FPR1: variants seen among roughly 807,000 people sequenced by gnomAD.
FPR1 encodes N-formyl peptide receptor 1.
For missense variants in FPR1, 407 were observed against 453.0 expected (o/e 0.90, Z 0.92); for synonymous variants, 193 against 176.7 (o/e 1.09, Z -0.73).
chr19:51,748,586 G>A (rs940827272), intron 1 of FPR1, among the ~76,000 whole-genome samples: 1 of 152,182 alleles, frequency 6.6e-6, no homozygotes, highest in African/African-American at 2.4e-5. Flanking sequence ...TCAGCCTCCT[G>A]AGTAGCTGGA....
chr19:51,751,723 A>G (rs1289962659), intron 1 of FPR1, 91 bp downstream of exon 1: 2 of 152,116 alleles, frequency 1.3e-5, no homozygotes, highest in Non-Finnish European at 2.9e-5. Flanking sequence ...TCAACTCCAC[A>G]TCCTTCTTCA....
rs775451540 is a variant in FPR1 at position 51,746,588 on chromosome 19, T to A, written c.407A>T (p.His136Leu). ...CVLHPVWTQN[H>L]RTVSLAKKVI... Reference sequence around the variant, plus strand: ...CTTCTTGGCCAGGCTCACGGTGCGGTGGTTCTGGGTCCAGACTGGATGCAG... The same window carrying A: ...CTTCTTGGCCAGGCTCACGGTGCGGAGGTTCTGGGTCCAGACTGGATGCAG... Residue 136 changes from histidine (H) to leucine (L), a missense_variant, in exon 2 of 2, where the codon CAC becomes CTC. Coordinates refer to ENST00000304748, the MANE Select transcript of FPR1 (RefSeq NM_002029.4). This position sits in a 1 kb window ranked among gnomAD's most constrained non-coding sequence, Gnocchi z 4.3. 6.2e-7 allele frequency: 1 copy of A among 1,614,124 alleles called. No homozygotes were observed.
rs1048756669 is a variant in FPR1 at position 51,745,959 on chromosome 19, C to T, written c.1036G>A (p.Glu346Lys). 1 of 1,610,586 alleles carries T rather than the reference C, an allele frequency of 6.2e-7. No individual in the cohort carries two copies. Among genetic ancestry groups the T allele is most frequent in the Non-Finnish European group, 8.5e-7 (1 of 1,176,986 alleles). Reference sequence around the variant, plus strand: ...CTCCCTCCTCACTTTGCCTGTAACTCCACCTCTGCAGAAGGTAAAGTAGAA... The same window carrying T: ...CTCCCTCCTCACTTTGCCTGTAACTTCACCTCTGCAGAAGGTAAAGTAGAA... ...TNSTLPSAEV[E>K]LQAK is the part of the protein sequence containing the mutation. The change falls in exon 2 of 2, where the codon GAG (glutamate) becomes AAG (lysine). Residue 346 changes from glutamate (E) to lysine (K), a missense_variant. Transcript: ENST00000304748.
intron 1 of FPR1, among the ~76,000 whole-genome samples, chr19:51,749,210 GT>G (rs1311165486): frequency 2.7e-4 from 27 of 99,576 alleles, no homozygotes; most frequent in Non-Finnish European, 5.1e-4. Context: ...GCGAGACTCC[GT>G]TTCAAAAAAA....
chr19:51,746,439 C>T lies in FPR1; in HGVS notation c.556G>A (p.Asp186Asn), dbSNP rs571987775. 30 of 1,614,118 alleles carry T rather than the reference C, an allele frequency of 1.9e-5. No homozygotes were observed. In the South Asian group the frequency reaches 2.2e-4, roughly 12 times the overall value. Reference protein sequence around the residue: ...CTFNFSPWTNDPKERINVAVA... With the variant: ...CTFNFSPWTNNPKERINVAVA... Reference sequence around the variant, plus strand: ...GCCACATTTATCCTCTCTTTAGGGTCGTTGGTCCAGGGCGAAAAGTTAAAA... The same window carrying T: ...GCCACATTTATCCTCTCTTTAGGGTTGTTGGTCCAGGGCGAAAAGTTAAAA... Residue 186 changes from aspartate (D) to asparagine (N), a missense_variant, in exon 2 of 2, where the codon GAC (aspartate) becomes AAC (asparagine). By Grantham distance (23) the Asp-to-Asn change is conservative. Coordinates refer to ENST00000304748, the MANE Select transcript of FPR1 (RefSeq NM_002029.4). The surrounding 1 kb of genome is among the most constrained non-coding windows in gnomAD (Gnocchi z 4.3).
rs768152901 is a variant in FPR1, at chr19:51,746,020, G to C, written c.975C>G (p.Thr325=). 6.2e-7 allele frequency: 1 copy of C among 1,613,998 alleles called. No homozygotes were observed. The highest frequency in any genetic ancestry group is 1.3e-5 in the African/African-American group (1 of 74,900). Residue 325 remains threonine (T), a synonymous_variant, in exon 2 of 2, where the codon ACC becomes ACG. Coordinates refer to ENST00000304748, the MANE Select transcript of FPR1 (RefSeq NM_002029.4). The surrounding 1 kb of genome is among the most constrained non-coding windows in gnomAD (Gnocchi z 4.3). ...ALPASLERAL[T]EDSTQTSDTA... is the part of the protein sequence containing the mutation. ...TGTCACTGGTTTGGGTTGAGTCCTC[G>C]GTCAGGGCCCTCTCCAGACTGGCGG...
Position 51,745,859 on chromosome 19 carries a change from G to T in FPR1, c.*83C>A. On this transcript the variant is annotated 3_prime_UTR_variant, in exon 2 of 2. Coordinates refer to ENST00000304748, the MANE Select transcript of FPR1 (RefSeq NM_002029.4). Reference sequence around the variant, plus strand: ...TGATGAGTGGGTAATCCTAAAATAAGCAGGAAATGCCTGTGGCTCAGCCTA... The same window carrying T: ...TGATGAGTGGGTAATCCTAAAATAATCAGGAAATGCCTGTGGCTCAGCCTA... The T allele has an allele frequency of 2.7e-6, 3 of 1,108,882 alleles. No individual in the cohort carries two copies. Among genetic ancestry groups the T allele is most frequent in the Non-Finnish European group, 3.9e-6 (3 of 763,456 alleles). The allele number at this position is 1,108,882 out of a possible 1,614,324, so 68.7% of individuals were successfully genotyped here. A position where few individuals can be genotyped will look rare whatever the true frequency, so the allele number is the denominator to read the frequency against.
Position 51,746,746 on chromosome 19 carries a change from G to GA in FPR1, c.248dup (p.Arg84GlnfsTer87), listed in dbSNP as rs1289922326. Reference sequence around the variant, plus strand: ...GCCAATGTCCTCCCATGGCCTTCCTGACCATGAAGAATGGCAAAGTGGAGG... The same window carrying GA: ...GCCAATGTCCTCCCATGGCCTTCCTGAACCATGAAGAATGGCAAAGTGGAGG... On this transcript the variant is annotated frameshift_variant, in exon 2 of 2. Transcript: ENST00000304748. LOFTEE classifies it low-confidence loss of function (END_TRUNC). This position sits in a 1 kb window ranked among gnomAD's most constrained non-coding sequence, Gnocchi z 4.3. 2 of 1,614,152 alleles carry GA rather than the reference G, an allele frequency of 1.2e-6. No individual in the cohort carries two copies. The highest frequency in any genetic ancestry group is 2.7e-5 in the African/African-American group (2 of 75,012).
chr19:51,746,041 G>C lies in FPR1; in HGVS notation c.954C>G (p.Ala318=), dbSNP rs766700447. Residue 318 remains alanine (A), a synonymous_variant, in exon 2 of 2, where the codon GCC becomes GCG. Transcript: ENST00000304748. The surrounding 1 kb of genome is among the most constrained non-coding windows in gnomAD (Gnocchi z 4.3). ...FRERLIHALP[A]SLERALTEDS... Reference sequence around the variant, plus strand: ...CCTCGGTCAGGGCCCTCTCCAGACTGGCGGGAAGGGCGTGGATCAGCCTCT... The same window carrying C: ...CCTCGGTCAGGGCCCTCTCCAGACTCGCGGGAAGGGCGTGGATCAGCCTCT... The C allele has an allele frequency of 5.7e-5, 92 of 1,614,036 alleles. No individual in the cohort carries two copies. Among genetic ancestry groups the C allele is most frequent in the Non-Finnish European group, 7.3e-5 (86 of 1,180,020 alleles).
In FPR1 at chr19:51,746,419, A is replaced by G. The variant is rs1042229; in HGVS notation, c.576T>C (p.Asn192=). 0.13 allele frequency: 207,512 copies of G among 1,613,884 alleles called. 14,053 individuals are homozygous for G. The highest frequency in any genetic ancestry group is 0.18 in the South Asian group (16,254 of 91,074). The change falls in exon 2 of 2, where the codon AAT becomes AAC. Residue 192 remains asparagine (N), a synonymous_variant. Coordinates refer to ENST00000304748, the MANE Select transcript of FPR1 (RefSeq NM_002029.4). The surrounding 1 kb of genome is among the most constrained non-coding windows in gnomAD (Gnocchi z 4.3). The part of the protein sequence containing the change: ...PWTNDPKERI[N]VAVAMLTVRG... ...TCACCGTCAACATGGCAACGGCCAC[A>G]TTTATCCTCTCTTTAGGGTCGTTGG...
At chr19:51,747,199 T>A (rs1244285857) in intron 1 of FPR1, among the ~76,000 whole-genome samples, 194 bp from the exon 2 acceptor site, 2 of 150,638 alleles carry the variant, frequency 1.3e-5, no homozygotes, top group Non-Finnish European at 2.9e-5. Context: ...TCTTTTATTG[T>A]ACCTGTTGGG....
At position 51,746,440 on chromosome 19, in the gene FPR1, G is replaced by A. The variant is rs539893573; in HGVS notation, c.555C>T (p.Asn185=). The change falls in exon 2 of 2, where the codon AAC becomes AAT. Residue 185 remains asparagine (N), a synonymous_variant. Transcript: ENST00000304748. This position sits in a 1 kb window ranked among gnomAD's most constrained non-coding sequence, Gnocchi z 4.3. Reference sequence around the variant, plus strand: ...CCACATTTATCCTCTCTTTAGGGTCGTTGGTCCAGGGCGAAAAGTTAAAAG... The same window carrying A: ...CCACATTTATCCTCTCTTTAGGGTCATTGGTCCAGGGCGAAAAGTTAAAAG... ...ACTFNFSPWT[N]DPKERINVAV... is the part of the protein sequence containing the mutation. The A allele has an allele frequency of 4.4e-5, 71 of 1,614,114 alleles. 1 individual carries two copies. Among genetic ancestry groups the A allele is most frequent in the South Asian group, 1.8e-4 (16 of 91,076 alleles).
At chr19:51,749,171 C>T (rs376966499) in intron 1 of FPR1, among the ~76,000 whole-genome samples, 35 of 151,258 alleles carry the variant, frequency 2.3e-4, no homozygotes, top group African/African-American at 7.8e-4. Context: ...GCAGAGACTG[C>T]GCCATTGCAC....
chr19:51,747,159 T>C (rs2083753453), intron 1 of FPR1, among the ~76,000 whole-genome samples, 154 bp from the exon 2 acceptor site: 1 of 151,560 alleles, frequency 6.6e-6, no homozygotes, highest in African/African-American at 2.4e-5. Flanking sequence ...CCACTGTCCC[T>C]TACACATGCC....
chr19:51,745,967 G>A lies in FPR1; in HGVS notation c.1028C>T (p.Ala343Val). The change falls in exon 2 of 2, where the codon GCA becomes GTA. Residue 343 changes from alanine to valine, a missense_variant. Coordinates refer to ENST00000304748, the MANE Select transcript of FPR1 (RefSeq NM_002029.4). The part of the protein sequence containing the change: ...DTATNSTLPS[A>V]EVELQAK ...TCACTTTGCCTGTAACTCCACCTCTGCAGAAGGTAAAGTAGAATTGGTAGC... is the reference window on the plus strand; with the variant it reads ...TCACTTTGCCTGTAACTCCACCTCTACAGAAGGTAAAGTAGAATTGGTAGC... The A allele has an allele frequency of 6.2e-7, 1 of 1,612,566 alleles. No homozygotes were observed. The highest frequency in any genetic ancestry group is 8.5e-7 in the Non-Finnish European group (1 of 1,178,684).
intron 1 of FPR1, among the ~76,000 whole-genome samples, chr19:51,747,876 C>T (rs560708028): frequency 9.2e-5 from 14 of 152,256 alleles, no homozygotes; most frequent in Admixed American, 3.9e-4. Context: ...TGGTGGTTCA[C>T]GCCTGTCATC....
At chr19:51,750,885 A>C (rs1599809706) in intron 1 of FPR1, 1 of 152,204 alleles carries the variant, frequency 6.6e-6, no homozygotes, top group African/African-American at 2.4e-5. Flanking sequence ...ATGAGAAATG[A>C]CAGCCAATGT....
chr19:51,745,784 C>T lies in FPR1; in HGVS notation c.*158G>A, dbSNP rs563356185. ...AAAGAAGTCAATAATAAACTCATAT[C>T]TGTTTATTCTCCCCAAATCAGGGGA... On this transcript the variant is annotated 3_prime_UTR_variant, in exon 2 of 2. Transcript: ENST00000304748. The T allele has an allele frequency of 1.1e-5, 7 of 647,738 alleles. No homozygotes were observed. The highest frequency in any genetic ancestry group is 2.0e-5 in the South Asian group (1 of 50,040). 40.1% of individuals were successfully genotyped at this position (647,738 alleles called of 1,614,324 possible).
chr19:51,747,867 G>A (rs925687389), intron 1 of FPR1, among the ~76,000 whole-genome samples: 2 of 152,198 alleles, frequency 1.3e-5, no homozygotes, highest in African/African-American at 4.8e-5. Flanking sequence ...GGCTGGATGT[G>A]GTGGTTCACG....
Sources: gnomAD v4.1 joint callset for allele counts (sites outside exome capture counted in the v4.1 genomes callset) on GRCh38, gnomAD v4.1.1 for gene constraint, Gnocchi (gnomAD v3.1) non-coding constraint, MANE v1.5 for transcripts, NCBI Gene and HGNC (gene_info 2026-07-23, HGNC 2026-07-21) for gene names.